DNAAF19: variants seen among roughly 807,000 people sequenced by gnomAD.
DNAAF19 encodes dynein axonemal assembly factor 19, also known as coiled-coil domain containing 103.
At chr17:44,904,785 C>G in the DNAAF19 span, 1 of 1,550,624 alleles carries the variant, frequency 6.4e-7, no homozygotes, top group East Asian at 2.4e-5. Flanking sequence ...GTCAACAGGT[C>G]CATGAGGGTG....
the DNAAF19 span, chr17:44,903,276 C>T: frequency 8.0e-7 from 1 of 1,248,620 alleles, no homozygotes; most frequent in Non-Finnish European, 1.0e-6. Flanking sequence ...TGATCAAATA[C>T]TACATCATTT....
chr17:44,900,581 C>A, the DNAAF19 span, among the ~76,000 whole-genome samples: 2 of 152,168 alleles, frequency 1.3e-5, no homozygotes, highest in Non-Finnish European at 2.9e-5. Context: ...GGGTAACTAA[C>A]AAGAGTTCTG....
At chr17:44,903,959 C>G in the DNAAF19 span, 1 of 1,550,610 alleles carries the variant, frequency 6.4e-7, no homozygotes, top group Non-Finnish European at 8.7e-7. Context: ...TGCAGCCTAC[C>G]TGGCCGACAT....
the DNAAF19 span, among the ~76,000 whole-genome samples, chr17:44,902,124 G>A: frequency 6.6e-6 from 1 of 152,190 alleles, no homozygotes; most frequent in African/African-American, 2.4e-5. Context: ...CCATTCATGA[G>A]TAGGAAAATT....
At chr17:44,900,930 G>A in the DNAAF19 span, 6 of 1,483,666 alleles carry the variant, frequency 4.0e-6, no homozygotes, top group Non-Finnish European at 5.4e-6. Flanking sequence ...ATAATTCAGA[G>A]GTACCCTCTT....
At chr17:44,901,246 C>T in the DNAAF19 span, 3 of 1,341,226 alleles carry the variant, frequency 2.2e-6, no homozygotes, top group Non-Finnish European at 3.1e-6. Flanking sequence ...CCACCGTCTA[C>T]TGTTTGATCT....
At chr17:44,904,201 C>T in the DNAAF19 span, 6 of 1,550,550 alleles carry the variant, frequency 3.9e-6, no homozygotes, top group South Asian at 7.1e-5. Flanking sequence ...GCCTGTACTT[C>T]TGCGGCACCC....
the DNAAF19 span, among the ~76,000 whole-genome samples, chr17:44,900,329 C>T: frequency 1.3e-5 from 2 of 151,814 alleles, no homozygotes; most frequent in African/African-American, 2.4e-5. Context: ...AATGATCAGT[C>T]AGCCTCAGAT....
the DNAAF19 span, chr17:44,904,321 G>A: frequency 6.5e-7 from 1 of 1,544,130 alleles, no homozygotes; most frequent in South Asian, 1.2e-5. Context: ...AATACTATGG[G>A]CACCTCCATG....
chr17:44,900,916 G>C, the DNAAF19 span: 1 of 1,411,076 alleles, frequency 7.1e-7, no homozygotes. Flanking sequence ...TTGTGTTCTG[G>C]TGAATAATTC....
At chr17:44,901,107 G>T in the DNAAF19 span, 1 of 1,607,914 alleles carries the variant, frequency 6.2e-7, no homozygotes, top group African/African-American at 1.3e-5. Context: ...GTTACGGGCA[G>T]TGGAACAGAG....
chr17:44,903,759 T>C, the DNAAF19 span: 57 of 1,473,258 alleles, frequency 3.9e-5, no homozygotes, highest in African/African-American at 6.1e-4. Context: ...TTAGCAGAGC[T>C]TTCTAGGAGC....
At chr17:44,903,733 A>C in the DNAAF19 span, 1 of 1,452,542 alleles carries the variant, frequency 6.9e-7, no homozygotes, top group Non-Finnish European at 9.0e-7. Flanking sequence ...TCCTTTCCTC[A>C]TCTAGAGGCT....
At chr17:44,902,163 G>C in the DNAAF19 span, among the ~76,000 whole-genome samples, 3 of 152,208 alleles carry the variant, frequency 2.0e-5, no homozygotes, top group East Asian at 5.8e-4. Context: ...TCAAATCATG[G>C]CGTGGATTCC....
chr17:44,903,593 G>A, the DNAAF19 span: 4 of 1,404,444 alleles, frequency 2.8e-6, no homozygotes, highest in East Asian at 5.2e-5. Context: ...GTTCTAGAAT[G>A]GCTTTCCCCC....
the DNAAF19 span, chr17:44,902,922 C>A: frequency 7.0e-7 from 1 of 1,434,242 alleles, no homozygotes; most frequent in African/African-American, 1.4e-5. Context: ...CACCTGGTTC[C>A]CTTCTCAACT....
the DNAAF19 span, chr17:44,903,423 G>A: frequency 8.0e-7 from 1 of 1,251,970 alleles, no homozygotes; most frequent in Non-Finnish European, 1.0e-6. Context: ...CATCCCCCAG[G>A]TTGATGAAAG....
the DNAAF19 span, chr17:44,902,983 C>T: frequency 2.1e-6 from 3 of 1,431,084 alleles, no homozygotes; most frequent in Non-Finnish European, 2.7e-6. Context: ...CTTCTCCAGT[C>T]CCTCAGTGTC....
the DNAAF19 span, chr17:44,904,827 G>A: frequency 2.6e-6 from 4 of 1,550,674 alleles, no homozygotes; most frequent in East Asian, 2.4e-5. Flanking sequence ...CTCCACATCC[G>A]CTTCACCCAG....
Sources: gnomAD v4.1 joint callset for allele counts (sites outside exome capture counted in the v4.1 genomes callset) on GRCh38, gnomAD v4.1.1 for gene constraint, MANE v1.5 for transcripts, NCBI Gene and HGNC (gene_info 2026-07-23, HGNC 2026-07-21) for gene names.